The following FHDC1 variants were observed in gnomAD, a reference collection of about 807,000 sequenced individuals.
FHDC1 encodes FH2 domain-containing protein 1.
In FHDC1, 25 loss-of-function variants were observed where a neutral mutation model predicts 52.6. That is an observed-to-expected ratio of 0.48 (90% CI 0.35 to 0.66). The LOEUF (loss-of-function observed/expected upper bound fraction) is 0.66, where lower values mean the gene tolerates loss of function less well. Among genes scored for constraint, FHDC1 ranks in the 30% least tolerant of loss-of-function variants. The pLI is 0.01. For synonymous variants in FHDC1, 616 were observed against 581.5 expected (o/e 1.06, Z -0.85); for missense variants, 1,459 against 1,452.8 (o/e 1.00, Z -0.07).
At chr4:152,918,586 C>T in the FHDC1 span, 4 of 152,256 alleles carry the variant, frequency 2.6e-5, no homozygotes, top group African/African-American at 9.6e-5. Flanking sequence ...TCTCAGTCCT[C>T]TTTGCCTGAT....
At chr4:152,935,119 G>A (rs1561198708), upstream of FHDC1, among the ~76,000 whole-genome samples, 2 of 152,220 alleles carry the variant, frequency 1.3e-5, no homozygotes. Context: ...CAATGGCCAA[G>A]AAATGGGCTA....
At chr4:152,967,909 C>A in intron 9 of FHDC1, 71 bp from the exon 10 acceptor site, 1 of 1,128,260 alleles carries the variant, frequency 8.9e-7, no homozygotes, top group Non-Finnish European at 1.3e-6. Context: ...AACAGTTAGT[C>A]TTATTTAATA....
chr4:152,957,501 C>T (rs1242619508), intron 4 of FHDC1, among the ~76,000 whole-genome samples: 3 of 152,144 alleles, frequency 2.0e-5, no homozygotes, highest in Admixed American at 6.5e-5. Context: ...GCCCTGATTC[C>T]GCTGAGCCCA....
chr4:152,935,684 G>A (rs547529548), upstream of FHDC1, among the ~76,000 whole-genome samples: 1 of 152,322 alleles, frequency 6.6e-6, no homozygotes, highest in Admixed American at 6.5e-5. Flanking sequence ...CCAGGGAGGA[G>A]CTGACCTTTG....
chr4:152,930,998 C>CTCTT, the FHDC1 span, among the ~76,000 whole-genome samples: 1 of 90,934 alleles, frequency 1.1e-5, no homozygotes, highest in South Asian at 3.2e-4. Context: ...CACACACACA[C>CTCTT]TCTCTCTCTC....
Position 152,943,562 on chromosome 4 carries a change from A to G in FHDC1, c.498+7A>G. On this transcript the variant is annotated splice_region_variant and intron_variant, in intron 2 of 11. Coordinates refer to ENST00000511601, the MANE Select transcript of FHDC1 (RefSeq NM_001371116.1). ...CAGAGAAGCTCGAGAAGAGGTAAGA[A>G]TGCAAGGTGGAGGGCTAATCCTCCA... 2.5e-6 allele frequency: 4 copies of G among 1,607,056 alleles called. No homozygotes were observed. The highest frequency in any genetic ancestry group is 3.4e-6 in the Non-Finnish European group (4 of 1,176,432).
At position 152,975,987 on chromosome 4, in the gene FHDC1, A is replaced by G; in HGVS notation, c.2696A>G (p.Asn899Ser). 1 of 1,525,770 alleles carries G rather than the reference A, an allele frequency of 6.6e-7. No individual in the cohort carries two copies. Among genetic ancestry groups the G allele is most frequent in the Non-Finnish European group, 8.8e-7 (1 of 1,139,082 alleles). The allele number at this position is 1,525,770 out of a possible 1,614,324, so 94.5% of individuals were successfully genotyped here. A position where few individuals can be genotyped will look rare whatever the true frequency, so the allele number is the denominator to read the frequency against. The change falls in exon 12 of 12, where the codon AAC becomes AGC. Residue 899 changes from asparagine (N) to serine (S), a missense_variant. Physicochemically the swap from Asn to Ser is conservative, Grantham distance 46 (BLOSUM62 1). Transcript: ENST00000511601. The stretch of plus-strand genomic sequence containing the variant: ...GTGCGGACCCTGACCGCCTCAGAGA[A>G]CGAGAGCATGCGCAAGGTCATGCCC... ...KSVRTLTASE[N>S]ESMRKVMPIT...
In FHDC1 at chr4:152,963,158, A is replaced by T. The variant is rs916607252; in HGVS notation, c.1029+28A>T. On this transcript the variant is annotated intron_variant, in intron 8 of 11. Coordinates refer to ENST00000511601, the MANE Select transcript of FHDC1 (RefSeq NM_001371116.1). ...ATGTGGAAATGATTAGGACTTAGAG[A>T]ACGCATATGAATACCCCTTGGAGGC... The T allele has an allele frequency of 1.9e-6, 3 of 1,588,676 alleles. No homozygotes were observed. The African/African-American group carries it at 4.0e-5, about 21-fold the overall frequency.
chr4:152,928,421 CA>C, the FHDC1 span, among the ~76,000 whole-genome samples: 1 of 152,164 alleles, frequency 6.6e-6, no homozygotes, highest in African/African-American at 2.4e-5. Context: ...TGCAGATGAC[CA>C]AACCTGTCCT....
intron 8 of FHDC1, 92 bp downstream of exon 8, chr4:152,963,222 GGT>G: frequency 9.1e-7 from 1 of 1,101,138 alleles, no homozygotes; most frequent in Non-Finnish European, 1.3e-6. Flanking sequence ...TGTCCAGCAG[GGT>G]TAGGAAAGGG....
At chr4:152,924,355 A>C in the FHDC1 span, among the ~76,000 whole-genome samples, 1 of 152,168 alleles carries the variant, frequency 6.6e-6, no homozygotes, top group Non-Finnish European at 1.5e-5. Context: ...AAAAGTCAGG[A>C]AACAACAGGT....
chr4:152,976,464 C>G lies in FHDC1; in HGVS notation c.3173C>G (p.Pro1058Arg). The stretch of plus-strand genomic sequence containing the variant: ...GATCTTCCTCCCGTGGCCAAAGCCC[C>G]CGGCATCACTCGGACAGTGTCGCAG... Reference protein sequence around the residue: ...RTDLPPVAKAPGITRTVSQRQ... With the variant: ...RTDLPPVAKARGITRTVSQRQ... Residue 1058 changes from proline (P) to arginine (R), a missense_variant, in exon 12 of 12, where the codon CCC becomes CGC. Physicochemically the swap from Pro to Arg is moderately radical, Grantham distance 103. Around this residue, in one of 3 missense-constraint regions of FHDC1, gnomAD observed 939 missense variants for 854.5 expected, o/e 1.10. Transcript: ENST00000511601. 1 of 1,613,652 alleles carries G rather than the reference C, an allele frequency of 6.2e-7. No individual in the cohort carries two copies. The highest frequency in any genetic ancestry group is 1.1e-5 in the South Asian group (1 of 91,086).
chr4:152,967,933 C>A, intron 9 of FHDC1, 47 bp from the exon 10 acceptor site: 3 of 1,415,318 alleles, frequency 2.1e-6, no homozygotes, highest in Non-Finnish European at 3.0e-6. Flanking sequence ...CTACATGACA[C>A]ATGGCTTCCT....
intron 4 of FHDC1, among the ~76,000 whole-genome samples, chr4:152,959,861 C>A (rs1740219578): frequency 6.6e-6 from 1 of 152,252 alleles, no homozygotes; most frequent in East Asian, 1.9e-4. Context: ...CAGGCTGGAA[C>A]CCCGCTTTTC....
chr4:152,918,251 T>C, the FHDC1 span, among the ~76,000 whole-genome samples: 1 of 152,232 alleles, frequency 6.6e-6, no homozygotes, highest in African/African-American at 2.4e-5. Context: ...ACCTCAACAC[T>C]GACCTTGATT....
At chr4:152,913,210 T>C in the FHDC1 span, among the ~76,000 whole-genome samples, 3 of 152,216 alleles carry the variant, frequency 2.0e-5, no homozygotes, top group African/African-American at 7.2e-5. Context: ...TTAAATATCT[T>C]CCCATTGGGG....
rs753943918 is a variant in FHDC1, at chr4:152,975,111, G to A, written c.1820G>A (p.Gly607Asp). ...GCACACAAACCTCAGGCCTCGGGGGGCCAGGAGGAGGCCCCCAACCCACCC... is the reference window on the plus strand; with the variant it reads ...GCACACAAACCTCAGGCCTCGGGGGACCAGGAGGAGGCCCCCAACCCACCC... Reference protein sequence around the residue: ...SFAHKPQASGGQEEAPNPPSA... With the variant: ...SFAHKPQASGDQEEAPNPPSA... Residue 607 changes from glycine to aspartate, a missense_variant, in exon 12 of 12, where the codon GGC (glycine) becomes GAC (aspartate). Physicochemically the swap from Gly to Asp is moderately conservative, Grantham distance 94. This residue lies in a region of FHDC1 where 939 missense variants were observed against 854.5 expected (regional missense o/e 1.10). Transcript: ENST00000511601. 1.9e-6 allele frequency: 3 copies of A among 1,612,506 alleles called. No homozygotes were observed. Among genetic ancestry groups the A allele is most frequent in the Admixed American group, 1.7e-5 (1 of 60,010 alleles).
the FHDC1 span, chr4:152,918,425 A>C: frequency 1.3e-5 from 2 of 152,214 alleles, no homozygotes; most frequent in Non-Finnish European, 2.9e-5. Flanking sequence ...AATCCTGTAC[A>C]CCTAGCTTAT....
rs1477450109 is a variant in FHDC1, at chr4:152,974,666, A to G, written c.1384-9A>G. On this transcript the variant is annotated splice_polypyrimidine_tract_variant and intron_variant, in intron 11 of 11. Coordinates refer to ENST00000511601, the MANE Select transcript of FHDC1 (RefSeq NM_001371116.1). Reference sequence around the variant, plus strand: ...CTCATGCATCTTCGGGCTTCTCTCCATCCCTCAGGACAACCACGACCGGGA... The same window carrying G: ...CTCATGCATCTTCGGGCTTCTCTCCGTCCCTCAGGACAACCACGACCGGGA... The G allele has an allele frequency of 5.3e-6, 8 of 1,504,988 alleles. No homozygotes were observed. The highest frequency in any genetic ancestry group is 2.7e-5 in the South Asian group (2 of 72,770). 93.2% of individuals were successfully genotyped at this position (1,504,988 alleles called of 1,614,324 possible).
Sources: gnomAD v4.1 joint callset for allele counts (sites outside exome capture counted in the v4.1 genomes callset) on GRCh38, gnomAD v4.1.1 for gene constraint, gnomAD v4.1.1 regional missense constraint, MANE v1.5 for transcripts, NCBI Gene and HGNC (gene_info 2026-07-23, HGNC 2026-07-21) for gene names.